STAU2: variants seen among roughly 807,000 people sequenced by gnomAD.
The protein encoded by STAU2 is double-stranded RNA-binding protein Staufen homolog 2.
In STAU2, 20 loss-of-function variants were observed where a neutral mutation model predicts 65.9. That is an observed-to-expected ratio of 0.30 (90% CI 0.21 to 0.44). The LOEUF is 0.44. Among genes scored for constraint, STAU2 ranks in the 20% least tolerant of loss-of-function variants. The pLI, the probability that STAU2 is intolerant of heterozygous loss-of-function variation, is 1.00. For missense variants in STAU2, 558 were observed against 683.9 expected, an observed-to-expected ratio of 0.82 and a Z score of 2.05; for synonymous variants, 232 against 233.9, an observed-to-expected ratio of 0.99 and a Z score of 0.07.
chr8:73,680,180 G>C (rs1275472554), intron 5 of STAU2, among the ~76,000 whole-genome samples: 1 of 141,336 alleles, frequency 7.1e-6, no homozygotes, highest in Non-Finnish European at 1.5e-5. Context: ...GCGGGAATAG[G>C]GGGCCAATGG....
At chr8:73,438,572 G>A (rs550658823) in intron 13 of STAU2, among the ~76,000 whole-genome samples, 1 of 152,334 alleles carries the variant, frequency 6.6e-6, no homozygotes, top group East Asian at 1.9e-4. Context: ...AAAGGGCAAT[G>A]CCTTATTCTG....
intron 12 of STAU2, among the ~76,000 whole-genome samples, chr8:73,576,286 T>C (rs1055937700): frequency 2.6e-5 from 4 of 152,118 alleles, no homozygotes; most frequent in Admixed American, 2.0e-4. Context: ...GATATTCACA[T>C]AGTGGATGAA....
At chr8:73,714,023 C>T (rs1012066764) in intron 3 of STAU2, among the ~76,000 whole-genome samples, 2 of 152,150 alleles carry the variant, frequency 1.3e-5, no homozygotes, top group Non-Finnish European at 2.9e-5. Flanking sequence ...CCTGCCTCAG[C>T]CTCCCGAGTA....
intron 13 of STAU2, among the ~76,000 whole-genome samples, chr8:73,517,099 T>C (rs1032334502): frequency 1.3e-5 from 2 of 152,076 alleles, no homozygotes; most frequent in African/African-American, 4.8e-5. Context: ...GAGGGGACAC[T>C]AAGAATTAGA....
intron 3 of STAU2, among the ~76,000 whole-genome samples, chr8:73,726,077 T>C (rs957156978): frequency 6.6e-6 from 1 of 152,160 alleles, no homozygotes; most frequent in African/African-American, 2.4e-5. Context: ...GTTTATAGTT[T>C]CTACTAAACA....
At chr8:73,624,396 C>T (rs1813489608) in intron 6 of STAU2, among the ~76,000 whole-genome samples, 1 of 152,162 alleles carries the variant, frequency 6.6e-6, no homozygotes, top group Non-Finnish European at 1.5e-5. Flanking sequence ...TTGGAACCAA[C>T]ATAAACTTGT....
At chr8:73,668,124 G>A (rs1817367554) in intron 6 of STAU2, among the ~76,000 whole-genome samples, 1 of 151,916 alleles carries the variant, frequency 6.6e-6, no homozygotes, top group Admixed American at 6.6e-5. Context: ...GTGTTTGTGG[G>A]GACTTTTCTA....
At chr8:73,497,331 T>G (rs78173468) in intron 13 of STAU2, among the ~76,000 whole-genome samples, 3,811 of 151,864 alleles carry the variant, frequency 0.025, 149 homozygotes, top group African/African-American at 0.086. Flanking sequence ...CCAAAATTAC[T>G]GCTATAGCAG....
chr8:73,460,268 G>A (rs766699584), intron 13 of STAU2, among the ~76,000 whole-genome samples: 152 of 152,150 alleles, frequency 1.0e-3, no homozygotes, highest in Non-Finnish European at 1.8e-3. Context: ...GGGGGCAGGA[G>A]GGCATTGTTG....
intron 10 of STAU2, among the ~76,000 whole-genome samples, chr8:73,599,024 C>T (rs1320475535): frequency 6.6e-6 from 1 of 152,222 alleles, no homozygotes; most frequent in Non-Finnish European, 1.5e-5. Context: ...GGATTGAAGA[C>T]AATACTAATG....
chr8:73,734,520 G>A (rs1806293477), intron 3 of STAU2, among the ~76,000 whole-genome samples: 1 of 152,130 alleles, frequency 6.6e-6, no homozygotes, highest in Admixed American at 6.5e-5. Flanking sequence ...TGTAGGCCGG[G>A]CACGGTGGCT....
intron 7 of STAU2, 163 bp from the exon 8 acceptor site, chr8:73,615,945 T>C (rs144995572): frequency 3.0e-4 from 157 of 518,914 alleles, no homozygotes; most frequent in African/African-American, 2.6e-3. Context: ...AGGGCTTTGC[T>C]GCCAGGCTTT....
chr8:73,621,249 G>A (rs890862466), intron 6 of STAU2, among the ~76,000 whole-genome samples: 24 of 152,128 alleles, frequency 1.6e-4, no homozygotes, highest in African/African-American at 5.8e-4. Flanking sequence ...GATAGGGAGT[G>A]AGTTCTCACA....
At chr8:73,499,172 C>T (rs1362566148) in intron 13 of STAU2, among the ~76,000 whole-genome samples, 1 of 151,830 alleles carries the variant, frequency 6.6e-6, no homozygotes, top group African/African-American at 2.4e-5. Flanking sequence ...AGATTTTGCA[C>T]TTGCCAGCCC....
chr8:73,648,489 C>T (rs143013661), intron 6 of STAU2, among the ~76,000 whole-genome samples: 15 of 152,288 alleles, frequency 9.8e-5, no homozygotes, highest in African/African-American at 3.6e-4. Context: ...AGAACCACCA[C>T]GTCTGTGTAT....
intron 9 of STAU2, among the ~76,000 whole-genome samples, chr8:73,606,486 A>G (rs1812044875): frequency 6.6e-6 from 1 of 152,180 alleles, no homozygotes; most frequent in South Asian, 2.1e-4. Context: ...AACACATAAA[A>G]AATTCTTGAT....
intron 13 of STAU2, among the ~76,000 whole-genome samples, chr8:73,509,004 T>G (rs1822230593): frequency 6.6e-6 from 1 of 152,344 alleles, no homozygotes; most frequent in South Asian, 2.1e-4. Context: ...TTATTTTTCT[T>G]AGGTAGATAC....
chr8:73,468,898 G>A (rs1385346726), intron 13 of STAU2, among the ~76,000 whole-genome samples: 3 of 152,052 alleles, frequency 2.0e-5, no homozygotes, highest in East Asian at 1.9e-4. Context: ...ACAGTATGGC[G>A]ATTCCTCAGG....
chr8:73,486,805 A>C (rs1167501493), intron 13 of STAU2, among the ~76,000 whole-genome samples: 1 of 151,486 alleles, frequency 6.6e-6, no homozygotes, highest in Non-Finnish European at 1.5e-5. Flanking sequence ...GGCGTGTGCC[A>C]CCACACCTGG....
Sources: allele counts gnomAD v4.1 joint callset (sites outside exome capture counted in the v4.1 genomes callset), GRCh38; gene constraint gnomAD v4.1.1; transcripts MANE v1.5; gene names NCBI Gene and HGNC (gene_info 2026-07-23, HGNC 2026-07-21).